Variants in HDAC9 observed in about 807,000 individuals in gnomAD.
HDAC9 encodes the protein histone deacetylase 9.
A neutral mutation model predicts 139.4 loss-of-function variants in HDAC9; 41 were observed. The observed-to-expected ratio is 0.29, with a 90% CI of 0.23 to 0.38. The LOEUF is 0.38. HDAC9 is among the 10% of genes least tolerant of loss of function. HDAC9 has a pLI of 1.00. For missense variants in HDAC9, 1,147 were observed against 1,297.0 expected, an observed-to-expected ratio of 0.88 and a Z score of 1.78; for synonymous variants, 517 against 476.2, an observed-to-expected ratio of 1.09 and a Z score of -1.12.
intron 11 of HDAC9, among the ~76,000 whole-genome samples, chr7:18,658,671 G>A (rs1306972698): frequency 6.6e-6 from 1 of 152,042 alleles, no homozygotes; most frequent in African/African-American, 2.4e-5. Context: ...ATGACATGGA[G>A]TATTATTTTG....
intron 1 of HDAC9, among the ~76,000 whole-genome samples, chr7:18,392,734 G>A (rs554093041): frequency 1.3e-5 from 2 of 151,838 alleles, no homozygotes; most frequent in African/African-American, 4.8e-5. Context: ...TTTTCCAGAG[G>A]ACATGATATT....
intron 1 of HDAC9, among the ~76,000 whole-genome samples, chr7:18,442,584 A>G (rs1332693602): frequency 2.0e-5 from 3 of 152,200 alleles, no homozygotes; most frequent in Non-Finnish European, 4.4e-5. Flanking sequence ...TGGATCCTCC[A>G]TTGTCTGAAA....
intron 17 of HDAC9, among the ~76,000 whole-genome samples, chr7:18,794,287 C>A (rs1358689443): frequency 1.3e-5 from 2 of 150,288 alleles, no homozygotes; most frequent in Admixed American, 1.3e-4. Context: ...ATATTATGAC[C>A]AATAACATAT....
Position 18,997,595 on chromosome 7 carries a change from G to C in HDAC9, c.*1533G>C, listed in dbSNP as rs1217697729. ...TAAAGCCATAAGTGAAGATTGTCATGCTTTTATTCAGAAATCTGAAAGAAA... is the reference window on the plus strand; with the variant it reads ...TAAAGCCATAAGTGAAGATTGTCATCCTTTTATTCAGAAATCTGAAAGAAA... On this transcript the variant is annotated 3_prime_UTR_variant, in exon 26 of 26. Coordinates refer to ENST00000686413, the MANE Select transcript of HDAC9 (RefSeq NM_178425.4). The C allele has an allele frequency of 6.6e-6, 1 of 152,034 alleles. No individual in the cohort carries two copies. Among genetic ancestry groups the C allele is most frequent in the Admixed American group, 6.5e-5 (1 of 15,272 alleles). 9.4% of individuals were successfully genotyped at this position (152,034 alleles called of 1,614,324 possible).
chr7:18,470,722 A>G (rs1794661240), intron 1 of HDAC9, among the ~76,000 whole-genome samples: 2 of 152,202 alleles, frequency 1.3e-5, no homozygotes, highest in Admixed American at 1.3e-4. Flanking sequence ...TATTTAGAAG[A>G]ATAGGCGGAA....
intron 6 of HDAC9, among the ~76,000 whole-genome samples, chr7:18,619,059 T>A (rs1458737856): frequency 6.6e-6 from 1 of 152,084 alleles, no homozygotes; most frequent in Non-Finnish European, 1.5e-5. Flanking sequence ...ATTTTTAAAT[T>A]TGTCTTAGGT....
chr7:18,648,661 A>G lies in HDAC9; in HGVS notation c.1445A>G (p.Gln482Arg). 1 of 1,612,882 alleles carries G rather than the reference A, an allele frequency of 6.2e-7. No homozygotes were observed. Among genetic ancestry groups the G allele is most frequent in the Non-Finnish European group, 8.5e-7 (1 of 1,179,366 alleles). The change falls in exon 11 of 26, where the codon CAG becomes CGG. Residue 482 changes from glutamine (Q) to arginine (R), a missense_variant. By Grantham distance (43) the Gln-to-Arg change is conservative. This residue lies in a region of HDAC9 where 256 missense variants were observed against 219.2 expected (regional missense o/e 1.17). Transcript: ENST00000686413. ...TTCTTGGAGAAGCAGAAGCAATACC[A>G]GCAGCAGATCCACATGAACAAAGTA... is the stretch of plus-strand genomic sequence containing the variant. ...QQFLEKQKQY[Q>R]QQIHMNKLLS...
chr7:18,554,994 A>T (rs1179388670), intron 2 of HDAC9, among the ~76,000 whole-genome samples: 1 of 152,228 alleles, frequency 6.6e-6, no homozygotes, highest in Non-Finnish European at 1.5e-5. Context: ...TGCATATTCA[A>T]TTAACTGACC....
At chr7:18,546,320 A>G (rs925296134) in intron 2 of HDAC9, among the ~76,000 whole-genome samples, 2 of 152,208 alleles carry the variant, frequency 1.3e-5, no homozygotes, top group Non-Finnish European at 2.9e-5. Context: ...ATATAGTCCC[A>G]TGCATCTCAC....
intron 1 of HDAC9, among the ~76,000 whole-genome samples, chr7:18,325,208 A>G (rs1307430439): frequency 6.6e-6 from 1 of 152,184 alleles, no homozygotes; most frequent in Non-Finnish European, 1.5e-5. Context: ...TAAGATAAGC[A>G]TGTGAATATA....
intron 2 of HDAC9, among the ~76,000 whole-genome samples, chr7:18,285,408 A>G (rs1406077964): frequency 1.3e-5 from 2 of 152,116 alleles, no homozygotes; most frequent in African/African-American, 2.4e-5. Context: ...GTGACACTTT[A>G]AAGTAGCAGT....
chr7:18,576,656 CAAAA>C (rs61179284), intron 2 of HDAC9, among the ~76,000 whole-genome samples: 3 of 91,886 alleles, frequency 3.3e-5, no homozygotes, highest in Non-Finnish European at 5.1e-5. Flanking sequence ...GACTTCATGT[CAAAA>C]AAAAAAAAAA....
intron 2 of HDAC9, among the ~76,000 whole-genome samples, chr7:18,256,768 T>C (rs1403587334): frequency 1.3e-5 from 2 of 152,168 alleles, no homozygotes; most frequent in African/African-American, 2.4e-5. Context: ...CTCTCTTATT[T>C]GAACAGGATT....
chr7:18,217,459 AAAGG>A (rs1792399672), intron 2 of HDAC9, among the ~76,000 whole-genome samples: 1 of 151,886 alleles, frequency 6.6e-6, no homozygotes, highest in African/African-American at 2.4e-5. Context: ...CACTTTTTTA[AAAGG>A]TATTTGCATT....
chr7:18,931,551 A>C (rs1804742460), intron 22 of HDAC9, among the ~76,000 whole-genome samples: 1 of 152,182 alleles, frequency 6.6e-6, no homozygotes, highest in African/African-American at 2.4e-5. Flanking sequence ...AAAGTGCTTC[A>C]AGATATTGAG....
chr7:18,101,732 T>C (rs1347376779), intron 1 of HDAC9, among the ~76,000 whole-genome samples: 1 of 152,202 alleles, frequency 6.6e-6, no homozygotes, highest in Non-Finnish European at 1.5e-5. Flanking sequence ...TTTATCACTG[T>C]CCTAGCCATT....
At chr7:18,312,502 G>T (rs560143302) in intron 1 of HDAC9, among the ~76,000 whole-genome samples, 45 of 152,230 alleles carry the variant, frequency 3.0e-4, no homozygotes, top group Admixed American at 2.6e-3. Flanking sequence ...GTAGTTCATT[G>T]TGTGGGTTTT....
intron 22 of HDAC9, among the ~76,000 whole-genome samples, chr7:18,909,129 A>G (rs1802526479): frequency 6.6e-6 from 1 of 151,956 alleles, no homozygotes; most frequent in African/African-American, 2.4e-5. Flanking sequence ...TTTGACTTGC[A>G]TTTTCCTGAT....
chr7:18,660,408 G>C (rs754883120), intron 11 of HDAC9, among the ~76,000 whole-genome samples: 1 of 152,078 alleles, frequency 6.6e-6, no homozygotes, highest in African/African-American at 2.4e-5. Context: ...TGCTCTTTTA[G>C]ACATTGACTT....
Sources: allele counts gnomAD v4.1 joint callset (sites outside exome capture counted in the v4.1 genomes callset), GRCh38; gene constraint gnomAD v4.1.1; regional missense constraint gnomAD v4.1.1; transcripts MANE v1.5; gene names NCBI Gene and HGNC (gene_info 2026-07-23, HGNC 2026-07-21).